Variants in SPINK5 observed in about 807,000 individuals in gnomAD.
SPINK5 encodes the protein serine protease inhibitor Kazal-type 5.
SPINK5 carries 125 observed loss-of-function variants against 151.8 expected under a neutral mutation model. The ratio of observed to expected loss-of-function variants is 0.82; its 90% CI spans 0.71 to 0.96. The LOEUF (loss-of-function observed/expected upper bound fraction) is 0.96. SPINK5 is among the 40% of genes least tolerant of loss of function. The pLI, the probability that SPINK5 is intolerant of heterozygous loss-of-function variation, is 0.00. For synonymous variants in SPINK5, 374 were observed against 395.3 expected (o/e 0.95, Z 0.64); for missense variants, 1,194 against 1,291.9 (o/e 0.92, Z 1.16).
In SPINK5 at chr5:148,068,619, CAGATAT is replaced by C. The variant is rs1752653408; in HGVS notation, c.82-1695_82-1690del. On this transcript the variant is annotated intron_variant, in intron 2 of 32. Transcript: ENST00000256084. Reference sequence around the variant, plus strand: ...GAAAGAAAAAACAAGCACAAAACACCAGATATAGATATAGGAGCCTAAATAGAAACC... The same window carrying C: ...GAAAGAAAAAACAAGCACAAAACACCAGATATAGGAGCCTAAATAGAAACC... Among the ~76,000 whole-genome samples, 3 of 145,424 alleles carry C rather than the reference CAGATAT, an allele frequency of 2.1e-5. No individual in the cohort carries two copies. The South Asian group carries it at 6.6e-4, about 32-fold the overall frequency.
At chr5:148,086,971 T>TAG (rs113898323) in intron 5 of SPINK5, among the ~76,000 whole-genome samples, 9,781 of 150,118 alleles carry the variant, frequency 0.065, 471 homozygotes, top group East Asian at 0.13. Flanking sequence ...ATAATATATT[T>TAG]ACACACATAC....
intron 18 of SPINK5, among the ~76,000 whole-genome samples, chr5:148,111,274 G>A (rs929858749): frequency 1.3e-5 from 2 of 151,842 alleles, no homozygotes; most frequent in Non-Finnish European, 2.9e-5. Flanking sequence ...CTTCCATCTC[G>A]CTCTTGCAGT....
chr5:148,124,994 T>G lies in SPINK5; in HGVS notation c.2739+157T>G, dbSNP rs2052536. 708,765 of 1,162,256 alleles carry G rather than the reference T, an allele frequency of 0.61. 216,556 individuals are homozygous for G. The highest frequency in any genetic ancestry group is 0.66 in the Admixed American group (17,647 of 26,624). 72.0% of individuals were successfully genotyped at this position (1,162,256 alleles called of 1,614,324 possible). On this transcript the variant is annotated intron_variant, in intron 28 of 32. Coordinates refer to ENST00000256084, the MANE Select transcript of SPINK5 (RefSeq NM_006846.4). ...TCACTTTGTATCATAACAAGATTTT[T>G]GGGGGTTTGGGGGTTTGATACCTTT...
At chr5:148,127,696 AC>A (rs1328228900) in intron 30 of SPINK5, among the ~76,000 whole-genome samples, 1 of 151,648 alleles carries the variant, frequency 6.6e-6, no homozygotes, top group Non-Finnish European at 1.5e-5. Flanking sequence ...TAGAAAACTT[AC>A]AAAAAAAAAA....
intron 31 of SPINK5, among the ~76,000 whole-genome samples, chr5:148,132,137 C>T (rs537007119): frequency 6.6e-6 from 1 of 152,288 alleles, no homozygotes; most frequent in East Asian, 1.9e-4. Context: ...TGCTACTCTG[C>T]TCAAATGCTG....
At chr5:148,079,641 A>G (rs1351421092) in intron 4 of SPINK5, among the ~76,000 whole-genome samples, 1 of 151,316 alleles carries the variant, frequency 6.6e-6, no homozygotes, top group East Asian at 1.9e-4. Flanking sequence ...TAACAGAATA[A>G]AGGGCAAAAC....
In SPINK5 at chr5:148,097,930, G is replaced by T; in HGVS notation, c.946G>T (p.Asp316Tyr). The change falls in exon 11 of 33, where the codon GAC becomes TAC. Residue 316 changes from aspartate (D) to tyrosine (Y), a missense_variant. Asp to Tyr is a radical substitution (Grantham distance 160, BLOSUM62 -3). Coordinates refer to ENST00000256084, the MANE Select transcript of SPINK5 (RefSeq NM_006846.4). ...AATACTTTTCTGTACCAGAGAAAAT[G>T]ACCCTATTCGTGGTCCAGATGGGAA... ...NGILFCTRENDPIRGPDGKMH... is the reference protein window; with the variant it reads ...NGILFCTRENYPIRGPDGKMH... The T allele has an allele frequency of 6.2e-7, 1 of 1,612,376 alleles. No individual in the cohort carries two copies. The highest frequency in any genetic ancestry group is 1.1e-5 in the South Asian group (1 of 91,044).
intron 9 of SPINK5, 64 bp downstream of exon 9, chr5:148,094,545 A>T (rs1468716450): frequency 6.2e-7 from 1 of 1,609,112 alleles, no homozygotes; most frequent in Non-Finnish European, 8.5e-7. Context: ...GATTGGATTG[A>T]TGAGTAAAAA....
At chr5:148,134,084 T>C in intron 32 of SPINK5, 197 bp downstream of exon 32, 1 of 663,568 alleles carries the variant, frequency 1.5e-6, no homozygotes. Context: ...ATGTAGCAGT[T>C]AATATTTTAA....
At chr5:148,089,642 G>C (rs745566316) in intron 7 of SPINK5, 21 bp downstream of exon 7, 2 of 1,611,254 alleles carry the variant, frequency 1.2e-6, no homozygotes, top group African/African-American at 2.7e-5. Context: ...TCATCCCCAG[G>C]TGGACTTGAT....
intron 10 of SPINK5, among the ~76,000 whole-genome samples, chr5:148,096,660 C>G (rs1341924853): frequency 1.3e-5 from 2 of 151,830 alleles, no homozygotes; most frequent in Admixed American, 6.6e-5. Flanking sequence ...AACAGTTCTC[C>G]TAAGTAAGCC....
rs142984005 is a variant in SPINK5 at position 148,080,728 on chromosome 5, G to C, written c.283-5677G>C. On this transcript the variant is annotated intron_variant, in intron 4 of 32. Transcript: ENST00000256084. ...TAGGAGGAAAAAAATTCATGAACTT[G>C]GGTAGGTAGAGTGACTTTAGACATA... Among the ~76,000 whole-genome samples the C allele has an allele frequency of 1.8e-4, 27 of 151,464 alleles. No homozygotes were observed. In the East Asian group the frequency reaches 5.1e-3, roughly 28 times the overall value.
intron 15 of SPINK5, among the ~76,000 whole-genome samples, chr5:148,103,712 C>G (rs1044230703): frequency 2.0e-5 from 3 of 151,980 alleles, no homozygotes; most frequent in Admixed American, 2.0e-4. Flanking sequence ...GATATGTTAA[C>G]AAAGGTGATT....
intron 26 of SPINK5, 94 bp from the exon 27 acceptor site, chr5:148,123,739 T>C (rs994307965): frequency 2.2e-4 from 341 of 1,553,646 alleles, no homozygotes; most frequent in Middle Eastern, 5.0e-4. Context: ...GTTTTTTTCC[T>C]GTGTTATGAG....
chr5:148,123,791 T>C (rs201779378), intron 26 of SPINK5, 42 bp from the exon 27 acceptor site: 71 of 1,613,184 alleles, frequency 4.4e-5, no homozygotes, highest in Admixed American at 6.7e-5. Flanking sequence ...GTTTGAAAGA[T>C]TATACCATGA....
intron 8 of SPINK5, 64 bp from the exon 9 acceptor site, chr5:148,094,290 G>C: frequency 1.9e-6 from 3 of 1,587,602 alleles, no homozygotes; most frequent in East Asian, 4.5e-5. Context: ...GCAAAATCCT[G>C]TCTCAAAAAA....
chr5:148,094,519 G>A lies in SPINK5; in HGVS notation c.794+38G>A, dbSNP rs76294806. 2,447 of 1,611,184 alleles carry A rather than the reference G, an allele frequency of 1.5e-3. 34 individuals carry two copies. The African/African-American group carries it at 0.029, about 19-fold the overall frequency. ...GTGGTTTTTTCAGAGTGATTCAAAG[G>A]GTGGGAGTGGAGATTGATTGGATTG... On this transcript the variant is annotated intron_variant, in intron 9 of 32. Coordinates refer to ENST00000256084, the MANE Select transcript of SPINK5 (RefSeq NM_006846.4).
chr5:148,096,107 G>A (rs1753453331), intron 10 of SPINK5, among the ~76,000 whole-genome samples: 1 of 151,894 alleles, frequency 6.6e-6, no homozygotes, highest in South Asian at 2.1e-4. Context: ...ATTTCTAGCT[G>A]TATATGGAGG....
At chr5:148,068,855 C>T (rs2127187597) in intron 2 of SPINK5, among the ~76,000 whole-genome samples, 1 of 152,182 alleles carries the variant, frequency 6.6e-6, no homozygotes, top group South Asian at 2.1e-4. Context: ...AATTCCAGCA[C>T]TTTGGGAGGC....
Sources: allele counts gnomAD v4.1 joint callset (sites outside exome capture counted in the v4.1 genomes callset), GRCh38; gene constraint gnomAD v4.1.1; transcripts MANE v1.5; gene names NCBI Gene and HGNC (gene_info 2026-07-23, HGNC 2026-07-21).